The following WWOX variants were observed in gnomAD, a reference collection of about 807,000 sequenced individuals.
WWOX encodes WW domain-containing oxidoreductase.
A neutral mutation model predicts 46.2 loss-of-function variants in WWOX; 69 were observed. The ratio of observed to expected loss-of-function variants is 1.49; its 90% CI spans 1.23 to 1.82. The LOEUF (loss-of-function observed/expected upper bound fraction) is 1.82, where lower values mean the gene tolerates loss of function less well. WWOX is among the 40% of genes most tolerant of loss of function. The pLI, the probability that WWOX is intolerant of heterozygous loss-of-function variation, is 0.00. For missense variants in WWOX, 919 were observed against 542.6 expected (o/e 1.69, Z -6.89); for synonymous variants, 359 against 202.6 (o/e 1.77, Z -6.56).
chr16:78,537,011 G>A (rs922079587), intron 8 of WWOX, among the ~76,000 whole-genome samples: 1 of 151,082 alleles, frequency 6.6e-6, no homozygotes, highest in Non-Finnish European at 1.5e-5. Flanking sequence ...GCACCTCTCA[G>A]GTTCAAGCAA....
chr16:79,121,330 G>T (rs781145832), intron 8 of WWOX, among the ~76,000 whole-genome samples: 13 of 152,168 alleles, frequency 8.5e-5, no homozygotes, highest in African/African-American at 3.1e-4. Flanking sequence ...CTTCTCCATA[G>T]TCGCAGTCAG....
intron 5 of WWOX, among the ~76,000 whole-genome samples, chr16:78,356,440 G>T (rs1358621579): frequency 6.6e-6 from 1 of 152,066 alleles, no homozygotes; most frequent in Non-Finnish European, 1.5e-5. Flanking sequence ...GAAAATCTCA[G>T]TCCCCAGGCA....
intron 8 of WWOX, among the ~76,000 whole-genome samples, chr16:78,735,996 C>G (rs543945580): frequency 1.3e-5 from 2 of 152,312 alleles, no homozygotes; most frequent in East Asian, 3.9e-4. Flanking sequence ...CGATTCTGGC[C>G]TCTGTTGACT....
intron 8 of WWOX, among the ~76,000 whole-genome samples, chr16:79,187,528 G>A (rs1396139200): frequency 6.6e-6 from 1 of 152,082 alleles, no homozygotes; most frequent in Non-Finnish European, 1.5e-5. Context: ...AGCCTCCCAA[G>A]TAGCTGGGAC....
intron 8 of WWOX, among the ~76,000 whole-genome samples, chr16:78,675,673 T>G (rs1009417596): frequency 7.9e-5 from 12 of 152,098 alleles, no homozygotes; most frequent in African/African-American, 2.4e-4. Context: ...TAAATTAAAT[T>G]TTTAAAAACA....
At chr16:79,148,882 T>G (rs1043438630) in intron 8 of WWOX, among the ~76,000 whole-genome samples, 6 of 151,076 alleles carry the variant, frequency 4.0e-5, no homozygotes, top group African/African-American at 1.5e-4. Context: ...GCTTGCTGAT[T>G]GCATTTATTA....
At chr16:78,247,100 A>G (rs2037837399) in intron 5 of WWOX, among the ~76,000 whole-genome samples, 3 of 152,102 alleles carry the variant, frequency 2.0e-5, no homozygotes, top group African/African-American at 4.8e-5. Flanking sequence ...TCAGAAATCA[A>G]CAGGATTTCT....
At chr16:78,621,573 A>C (rs1420389891) in intron 8 of WWOX, among the ~76,000 whole-genome samples, 1 of 110,464 alleles carries the variant, frequency 9.1e-6, no homozygotes, top group Non-Finnish European at 1.9e-5. Context: ...TTGCACCTTT[A>C]ACCTTGTGTT....
At chr16:78,921,072 C>A (rs1376782960) in intron 8 of WWOX, among the ~76,000 whole-genome samples, 1 of 152,070 alleles carries the variant, frequency 6.6e-6, no homozygotes, top group East Asian at 1.9e-4. Flanking sequence ...TTGTGCTTAT[C>A]TCTACATTAC....
Position 78,907,345 on chromosome 16 carries a change from T to C in WWOX, c.1057-304263T>C, listed in dbSNP as rs754369834. ...AACCTTAGGTTCTACAAAGTGATGT[T>C]ATCTGCAGGAATAATTGGGGAAATT... On this transcript the variant is annotated intron_variant, in intron 8 of 8. Coordinates refer to ENST00000566780, the MANE Select transcript of WWOX (RefSeq NM_016373.4). Among the ~76,000 whole-genome samples, 3 of 152,210 alleles carry C rather than the reference T, an allele frequency of 2.0e-5. No individual in the cohort carries two copies. In the East Asian group the frequency reaches 5.8e-4, roughly 29 times the overall value.
intron 8 of WWOX, among the ~76,000 whole-genome samples, chr16:78,990,398 A>G (rs2046863292): frequency 1.3e-5 from 2 of 152,036 alleles, no homozygotes; most frequent in Admixed American, 1.3e-4. Context: ...TCTCTGCACG[A>G]CCTAGTTCTG....
chr16:79,145,347 A>C (rs577015245), intron 8 of WWOX, among the ~76,000 whole-genome samples: 4 of 152,296 alleles, frequency 2.6e-5, no homozygotes, highest in South Asian at 2.1e-4. Flanking sequence ...AAACACTTTC[A>C]GTAGAGTCAA....
At chr16:78,689,088 A>G (rs2047928057) in intron 8 of WWOX, among the ~76,000 whole-genome samples, 1 of 152,160 alleles carries the variant, frequency 6.6e-6, no homozygotes, top group Non-Finnish European at 1.5e-5. Flanking sequence ...TGTCTTTATT[A>G]GTGGCATGAG....
chr16:78,687,662 T>C (rs2047893840), intron 8 of WWOX, among the ~76,000 whole-genome samples: 2 of 152,238 alleles, frequency 1.3e-5, no homozygotes, highest in Non-Finnish European at 2.9e-5. Context: ...GCACAGCCTC[T>C]ATTACACAGT....
intron 8 of WWOX, among the ~76,000 whole-genome samples, chr16:78,487,618 C>T (rs1179516419): frequency 1.3e-5 from 2 of 152,138 alleles, no homozygotes; most frequent in Admixed American, 1.3e-4. Flanking sequence ...TACTGGGCAT[C>T]TGTCCTGTAT....
chr16:78,742,435 G>C (rs933082070), intron 8 of WWOX, among the ~76,000 whole-genome samples: 2 of 152,172 alleles, frequency 1.3e-5, no homozygotes, highest in African/African-American at 4.8e-5. Context: ...GGAGATAATA[G>C]TCAGCACCTA....
At chr16:79,182,307 C>T (rs2050928391) in intron 8 of WWOX, among the ~76,000 whole-genome samples, 1 of 152,090 alleles carries the variant, frequency 6.6e-6, no homozygotes, top group South Asian at 2.1e-4. Flanking sequence ...ATACCAGCGC[C>T]ATGTTGTCAT....
intron 8 of WWOX, among the ~76,000 whole-genome samples, chr16:79,113,152 G>A (rs1343032745): frequency 6.6e-6 from 1 of 152,212 alleles, no homozygotes; most frequent in Non-Finnish European, 1.5e-5. Flanking sequence ...TAAGGGTTTT[G>A]TGGGGAATAT....
rs148103874 is a variant in WWOX at position 78,974,876 on chromosome 16, G to A, written c.1057-236732G>A. On this transcript the variant is annotated intron_variant, in intron 8 of 8. Coordinates refer to ENST00000566780, the MANE Select transcript of WWOX (RefSeq NM_016373.4). The stretch of plus-strand genomic sequence containing the variant: ...CAGCTTCCTGTCCACTGGAGGCCCG[G>A]GGAGACCTTGAAATGCTCAGCTGCA... 7.2e-3 allele frequency among the ~76,000 whole-genome samples: 1,094 copies of A among 152,268 alleles called. 7 individuals are homozygous for A. The highest frequency in any genetic ancestry group is 8.8e-3 in the Non-Finnish European group (600 of 68,022).
Sources: allele counts gnomAD v4.1 joint callset (sites outside exome capture counted in the v4.1 genomes callset), GRCh38; gene constraint gnomAD v4.1.1; transcripts MANE v1.5; gene names NCBI Gene and HGNC (gene_info 2026-07-23, HGNC 2026-07-21).